EXOC6B: variants seen among roughly 807,000 people sequenced by gnomAD.
EXOC6B encodes the protein exocyst complex component 6B, also known as SEC15 homolog B.
A neutral mutation model predicts 113.5 loss-of-function variants in EXOC6B; 54 were observed. The ratio of observed to expected loss-of-function variants is 0.48; its 90% CI spans 0.38 to 0.60. The LOEUF (loss-of-function observed/expected upper bound fraction) is 0.60, where lower values mean the gene tolerates loss of function less well. Ranked by LOEUF, EXOC6B falls within the 20% of genes least tolerant of loss-of-function variation. The probability of loss-of-function intolerance (pLI) is 0.00; values close to 1 mark genes in which losing one functional copy is unlikely to be tolerated. For missense variants in EXOC6B, 797 were observed against 977.5 expected (o/e 0.82, Z 2.46); for synonymous variants, 357 against 339.0 (o/e 1.05, Z -0.58).
At chr2:72,702,121 T>A (rs1678401349) in intron 6 of EXOC6B, among the ~76,000 whole-genome samples, 2 of 149,030 alleles carry the variant, frequency 1.3e-5, no homozygotes, top group Admixed American at 1.3e-4. Context: ...CCTTCCTGTG[T>A]CCATGTGATC....
chr2:72,725,701 A>G (rs532105812), intron 5 of EXOC6B, among the ~76,000 whole-genome samples: 1 of 152,302 alleles, frequency 6.6e-6, no homozygotes, highest in East Asian at 1.9e-4. Flanking sequence ...CTGGGTAGAC[A>G]ATAATAAGTA....
intron 20 of EXOC6B, among the ~76,000 whole-genome samples, chr2:72,318,480 G>A (rs1687656041): frequency 6.6e-6 from 1 of 151,460 alleles, no homozygotes; most frequent in East Asian, 1.9e-4. Flanking sequence ...TGCAATCTCC[G>A]CCTCCTGGGT....
intron 8 of EXOC6B, among the ~76,000 whole-genome samples, chr2:72,532,317 C>T (rs1435647341): frequency 6.6e-6 from 1 of 151,998 alleles, no homozygotes; most frequent in African/African-American, 2.4e-5. Context: ...TTTTTCCCTA[C>T]CAAATTAGCA....
In EXOC6B at chr2:72,248,701, GT is replaced by G. The variant is rs1198816867; in HGVS notation, c.2197-64515del. Among the ~76,000 whole-genome samples the G allele has an allele frequency of 2.6e-5, 4 of 152,142 alleles. No homozygotes were observed. In the South Asian group the frequency reaches 8.3e-4, roughly 32 times the overall value. On this transcript the variant is annotated intron_variant, in intron 20 of 21. Transcript: ENST00000272427. ...GTATTTGTAGAATAAATGAAAAAGA[GT>G]TTTACATTAACATCTAGCTAAATTA...
At chr2:72,345,942 T>C (rs1324918454) in intron 19 of EXOC6B, among the ~76,000 whole-genome samples, 4 of 152,092 alleles carry the variant, frequency 2.6e-5, no homozygotes, top group Admixed American at 6.6e-5. Context: ...AGGGAGTATA[T>C]TGGAACTCTG....
chr2:72,318,511 A>G (rs902263962), intron 20 of EXOC6B, among the ~76,000 whole-genome samples: 1 of 151,958 alleles, frequency 6.6e-6, no homozygotes, highest in African/African-American at 2.4e-5. Context: ...CTCCTGCCTC[A>G]GGCTCTCGAG....
At chr2:72,684,405 A>G (rs1008057002) in intron 6 of EXOC6B, among the ~76,000 whole-genome samples, 3 of 152,186 alleles carry the variant, frequency 2.0e-5, no homozygotes, top group African/African-American at 7.2e-5. Flanking sequence ...AATATGGTAG[A>G]ACTACTTTAC....
intron 1 of EXOC6B, among the ~76,000 whole-genome samples, chr2:72,770,227 T>C (rs924316133): frequency 2.0e-5 from 3 of 151,954 alleles, no homozygotes; most frequent in Admixed American, 6.6e-5. Context: ...TCAAGTATGA[T>C]ACATAAAAAT....
At chr2:72,667,491 T>C (rs975711818) in intron 6 of EXOC6B, among the ~76,000 whole-genome samples, 1 of 152,162 alleles carries the variant, frequency 6.6e-6, no homozygotes, top group Non-Finnish European at 1.5e-5. Context: ...AAGACTACAG[T>C]AATCAAAACA....
chr2:72,248,541 C>A (rs1573084630), intron 20 of EXOC6B, among the ~76,000 whole-genome samples: 1 of 152,132 alleles, frequency 6.6e-6, no homozygotes, highest in African/African-American at 2.4e-5. Context: ...AAGTTTTCCA[C>A]CAAGACATCA....
intron 20 of EXOC6B, among the ~76,000 whole-genome samples, chr2:72,265,507 G>C (rs1684015860): frequency 6.6e-6 from 1 of 150,528 alleles, no homozygotes; most frequent in Non-Finnish European, 1.5e-5. Flanking sequence ...TGCAGTGTTT[G>C]GTTTTTTGTC....
intron 6 of EXOC6B, among the ~76,000 whole-genome samples, chr2:72,583,281 T>G (rs929492618): frequency 1.3e-5 from 2 of 152,188 alleles, no homozygotes; most frequent in Non-Finnish European, 2.9e-5. Flanking sequence ...GGGAAACATA[T>G]TTCAGGGAAT....
chr2:72,630,445 C>T lies in EXOC6B; in HGVS notation c.670-54777G>A, dbSNP rs553313377. Among the ~76,000 whole-genome samples, 4 of 152,240 alleles carry T rather than the reference C, an allele frequency of 2.6e-5. No individual in the cohort carries two copies. The South Asian group carries it at 8.3e-4, about 32-fold the overall frequency. On this transcript the variant is annotated intron_variant, in intron 6 of 21. Transcript: ENST00000272427. ...TCTAGAGATTAACAGTAACTAACTC[C>T]CCTTAGACCTGCATTATCCTCTCTA...
intron 6 of EXOC6B, among the ~76,000 whole-genome samples, chr2:72,689,733 A>G (rs1320426827): frequency 6.6e-6 from 1 of 152,196 alleles, no homozygotes; most frequent in Non-Finnish European, 1.5e-5. Flanking sequence ...TCCCAGTTTA[A>G]GTATGCACAA....
At chr2:72,365,717 A>G (rs758002661) in intron 19 of EXOC6B, among the ~76,000 whole-genome samples, 1 of 152,180 alleles carries the variant, frequency 6.6e-6, no homozygotes, top group Non-Finnish European at 1.5e-5. Context: ...AGGGGAGGCA[A>G]TTACCAAAGG....
chr2:72,204,774 T>A (rs766767794), intron 20 of EXOC6B, among the ~76,000 whole-genome samples: 2 of 152,056 alleles, frequency 1.3e-5, no homozygotes, highest in Non-Finnish European at 2.9e-5. Context: ...CTCTTCTTCT[T>A]TGGGAGAGGA....
At chr2:72,581,844 G>C (rs192475706) in intron 6 of EXOC6B, among the ~76,000 whole-genome samples, 1 of 152,144 alleles carries the variant, frequency 6.6e-6, no homozygotes, top group Non-Finnish European at 1.5e-5. Flanking sequence ...TGCTGGGTCT[G>C]ACCCCTCCCA....
chr2:72,305,806 AAT>A (rs1198483747), intron 20 of EXOC6B, among the ~76,000 whole-genome samples: 1 of 152,256 alleles, frequency 6.6e-6, no homozygotes, highest in East Asian at 1.9e-4. Flanking sequence ...TTAGAAAACT[AAT>A]GTCTATCAAT....
At chr2:72,330,103 A>G (rs1688344326) in intron 20 of EXOC6B, among the ~76,000 whole-genome samples, 1 of 152,114 alleles carries the variant, frequency 6.6e-6, no homozygotes, top group South Asian at 2.1e-4. Flanking sequence ...AAACTTAAGT[A>G]TATATCAGAA....
Sources: allele counts gnomAD v4.1 joint callset (sites outside exome capture counted in the v4.1 genomes callset), GRCh38; gene constraint gnomAD v4.1.1; transcripts MANE v1.5; gene names NCBI Gene and HGNC (gene_info 2026-07-23, HGNC 2026-07-21).